The following COL4A2 variants were observed in gnomAD, a reference collection of about 807,000 sequenced individuals.
The protein encoded by COL4A2 is collagen alpha-2(IV) chain.
Under a neutral mutation model 200.2 loss-of-function variants are expected in COL4A2, and 99 were observed. The observed-to-expected ratio is 0.49, with a 90% CI of 0.42 to 0.58. The LOEUF is 0.58. COL4A2 is among the 20% of genes least tolerant of loss of function. The pLI, the probability that COL4A2 is intolerant of heterozygous loss-of-function variation, is 0.00. For synonymous variants in COL4A2, 897 were observed against 900.6 expected (o/e 1.00, Z 0.07); for missense variants, 1,950 against 2,314.1 (o/e 0.84, Z 3.23).
intron 4 of COL4A2, among the ~76,000 whole-genome samples, chr13:110,412,483 A>G (rs1309276275): frequency 6.6e-6 from 1 of 152,270 alleles, no homozygotes. Flanking sequence ...ATACCCTGGC[A>G]TAGAAACAGT....
intron 28 of COL4A2, among the ~76,000 whole-genome samples, chr13:110,472,113 C>T (rs1163363972): frequency 2.1e-5 from 3 of 146,000 alleles, no homozygotes; most frequent in Admixed American, 6.8e-5. Context: ...TTTCTTTTTT[C>T]TTTTTATTTT....
intron 3 of COL4A2, among the ~76,000 whole-genome samples, chr13:110,347,566 A>G (rs916755139): frequency 2.0e-5 from 3 of 152,010 alleles, no homozygotes; most frequent in Non-Finnish European, 4.4e-5. Context: ...CCATCCCTCC[A>G]CTGTCATTCA....
intron 10 of COL4A2, chr13:110,430,897 TGACA>T (rs771650231): frequency 1.6e-5 from 10 of 618,136 alleles, no homozygotes; most frequent in Non-Finnish European, 2.5e-5. Context: ...ACCTACCCAG[TGACA>T]GACAGCCCAT....
intron 3 of COL4A2, among the ~76,000 whole-genome samples, chr13:110,345,467 G>A (rs1876655920): frequency 6.6e-6 from 1 of 152,142 alleles, no homozygotes. Flanking sequence ...GGAATCAGAG[G>A]ACAGCAGATG....
Position 110,357,607 on chromosome 13 carries a change from G to A in COL4A2, c.180+55G>A, listed in dbSNP as rs79083334. The A allele has an allele frequency of 4.7e-4, 722 of 1,548,012 alleles. 7 individuals carry two copies. In the African/African-American group the frequency reaches 8.8e-3, roughly 19 times the overall value. On this transcript the variant is annotated intron_variant, in intron 4 of 47. Coordinates refer to ENST00000360467, the MANE Select transcript of COL4A2 (RefSeq NM_001846.4). ...TATCTTCCTCATACAGTCATGCCTC[G>A]CTTAACAACGGGGTACCTTCTGGGA... is the stretch of plus-strand genomic sequence containing the variant.
At chr13:110,330,492 C>T (rs1293546913) in intron 3 of COL4A2, among the ~76,000 whole-genome samples, 1 of 152,160 alleles carries the variant, frequency 6.6e-6, no homozygotes, top group Non-Finnish European at 1.5e-5. Context: ...ATTGAAACTC[C>T]CCATCTGCCT....
Position 110,330,653 on chromosome 13 carries a change from C to T in COL4A2, c.99+22530C>T, listed in dbSNP as rs551669822. Among the ~76,000 whole-genome samples, 365 of 152,294 alleles carry T rather than the reference C, an allele frequency of 2.4e-3. 4 individuals carry two copies. Among genetic ancestry groups the T allele is most frequent in the Non-Finnish European group, 3.5e-3 (241 of 68,024 alleles). ...ACCTCTCCTCTTGGAAACGCTTCTC[C>T]GATCCGCAGGGCACGATGGGGTCCC... On this transcript the variant is annotated intron_variant, in intron 3 of 47. Transcript: ENST00000360467.
At chr13:110,336,158 C>G (rs1876176004) in intron 3 of COL4A2, among the ~76,000 whole-genome samples, 2 of 152,176 alleles carry the variant, frequency 1.3e-5, no homozygotes, top group African/African-American at 2.4e-5. Context: ...CTCCACTGCT[C>G]TAATACATTG....
At chr13:110,355,533 T>C (rs1240193755) in intron 3 of COL4A2, among the ~76,000 whole-genome samples, 2 of 70,024 alleles carry the variant, frequency 2.9e-5, no homozygotes, top group Admixed American at 1.4e-4. Context: ...AGGGCTGCAC[T>C]AGCTCACCTG....
chr13:110,473,202 T>C (rs774865085), intron 29 of COL4A2, 52 bp downstream of exon 29: 17 of 1,515,284 alleles, frequency 1.1e-5, no homozygotes, highest in Non-Finnish European at 1.5e-5. Context: ...CACAGTGGCC[T>C]CCAAGGGCGA....
chr13:110,391,916 C>T (rs941090196), intron 4 of COL4A2, among the ~76,000 whole-genome samples: 1 of 152,174 alleles, frequency 6.6e-6, no homozygotes, highest in African/African-American at 2.4e-5. Context: ...GGATATTTAC[C>T]CAGGTTTCTT....
chr13:110,486,148 T>G (rs1022156824), intron 34 of COL4A2, among the ~76,000 whole-genome samples: 4 of 152,170 alleles, frequency 2.6e-5, no homozygotes, highest in African/African-American at 9.7e-5. Flanking sequence ...AGCTCTAAAA[T>G]TGAGCACATC....
intron 4 of COL4A2, among the ~76,000 whole-genome samples, chr13:110,407,883 G>T (rs1270875411): frequency 1.3e-5 from 2 of 152,224 alleles, no homozygotes; most frequent in African/African-American, 4.8e-5. Flanking sequence ...AGAAGGAAAG[G>T]GGGGTTGTTT....
chr13:110,308,989 A>C (rs1884896035), intron 3 of COL4A2, among the ~76,000 whole-genome samples: 1 of 152,158 alleles, frequency 6.6e-6, no homozygotes, highest in Admixed American at 6.5e-5. Flanking sequence ...TGGCCGATGG[A>C]GTAGCCCTGC....
chr13:110,308,596 G>C (rs3809346), intron 3 of COL4A2, among the ~76,000 whole-genome samples: 1 of 151,826 alleles, frequency 6.6e-6, no homozygotes, highest in Admixed American at 6.6e-5. Context: ...GGAGGCGAAC[G>C]AGACAACCTT....
chr13:110,512,104 C>T lies in COL4A2; in HGVS notation c.5052C>T (p.Phe1684=). ...TGACCACCATTCCCGAGCAGAGCTT[C>T]CAGGGCTCGCCCTCCGCCGACACGC... ...FWLTTIPEQS[F]QGSPSADTLK... is the part of the protein sequence containing the mutation. Residue 1684 remains phenylalanine, a synonymous_variant, in exon 48 of 48, where the codon TTC becomes TTT. Coordinates refer to ENST00000360467, the MANE Select transcript of COL4A2 (RefSeq NM_001846.4). 6.2e-7 allele frequency: 1 copy of T among 1,613,700 alleles called. No homozygotes were observed. Among genetic ancestry groups the T allele is most frequent in the Non-Finnish European group, 8.5e-7 (1 of 1,180,042 alleles).
intron 41 of COL4A2, 110 bp downstream of exon 41, chr13:110,501,894 C>A: frequency 9.0e-7 from 1 of 1,111,846 alleles, no homozygotes; most frequent in Non-Finnish European, 1.3e-6. Context: ...TGTGCCCAGA[C>A]TCCGGTCAAA....
chr13:110,489,485 A>T lies in COL4A2; in HGVS notation c.3248A>T (p.Glu1083Val). 1 of 1,614,190 alleles carries T rather than the reference A, an allele frequency of 6.2e-7. No homozygotes were observed. Among genetic ancestry groups the T allele is most frequent in the Non-Finnish European group, 8.5e-7 (1 of 1,180,018 alleles). Residue 1083 changes from glutamate to valine, a missense_variant, in exon 35 of 48, where the codon GAG becomes GTG. By Grantham distance (121) the Glu-to-Val change is moderately radical. Around this residue, in one of 2 missense-constraint regions of COL4A2, gnomAD observed 1,385 missense variants for 1,720.5 expected, o/e 0.80. Transcript: ENST00000360467. Reference protein sequence around the residue: ...GAPGRAGLYGEIGATGDFGDI... With the variant: ...GAPGRAGLYGVIGATGDFGDI... ...CCAGGGAGAGCAGGCCTGTATGGCG[A>T]GATTGGCGCGACTGGTGATTTCGGT... is the stretch of plus-strand genomic sequence containing the variant.
intron 33 of COL4A2, 125 bp from the exon 34 acceptor site, chr13:110,485,522 CAAAAAAAA>C: frequency 4.5e-4 from 160 of 357,468 alleles, no homozygotes; most frequent in South Asian, 7.7e-4. Context: ...GACTCCGTCT[CAAAAAAAA>C]AAAAAAAAAA....
Sources: allele counts gnomAD v4.1 joint callset (sites outside exome capture counted in the v4.1 genomes callset), GRCh38; gene constraint gnomAD v4.1.1; regional missense constraint gnomAD v4.1.1; transcripts MANE v1.5; gene names NCBI Gene and HGNC (gene_info 2026-07-23, HGNC 2026-07-21).